Variants in RAD51B observed in about 807,000 individuals in gnomAD.
RAD51B encodes the protein DNA repair protein RAD51 homolog 2.
A neutral mutation model predicts 42.2 loss-of-function variants in RAD51B; 38 were observed. The observed-to-expected ratio is 0.90, with a 90% CI of 0.70 to 1.18. The LOEUF (loss-of-function observed/expected upper bound fraction) is 1.18, where lower values mean the gene tolerates loss of function less well. Among genes scored for constraint, RAD51B ranks in the 50% most tolerant of loss-of-function variants. RAD51B has a pLI of 0.00. For synonymous variants in RAD51B, 154 were observed against 145.2 expected, an observed-to-expected ratio of 1.06 and a Z score of -0.43; for missense variants, 373 against 400.7, an observed-to-expected ratio of 0.93 and a Z score of 0.59.
At chr14:67,838,018 T>G (rs1194291081) in intron 4 of RAD51B, among the ~76,000 whole-genome samples, 1 of 152,200 alleles carries the variant, frequency 6.6e-6, no homozygotes, top group Non-Finnish European at 1.5e-5. Context: ...TTTTTTAGCT[T>G]CTACATGTGA....
chr14:67,920,045 T>C (rs1331954004), intron 7 of RAD51B, among the ~76,000 whole-genome samples: 1 of 152,220 alleles, frequency 6.6e-6, no homozygotes, highest in Non-Finnish European at 1.5e-5. Flanking sequence ...CATCTATATA[T>C]TGATAAGCAT....
intron 7 of RAD51B, among the ~76,000 whole-genome samples, chr14:67,964,913 G>A (rs1303998843): frequency 6.6e-6 from 1 of 152,094 alleles, no homozygotes; most frequent in Admixed American, 6.5e-5. Context: ...AAACCACCTT[G>A]TCTCATATTT....
intron 7 of RAD51B, among the ~76,000 whole-genome samples, chr14:67,924,780 C>T (rs976145753): frequency 1.3e-5 from 2 of 152,114 alleles, no homozygotes; most frequent in African/African-American, 4.8e-5. Flanking sequence ...CTGGAGCCTC[C>T]CAAATCTCAT....
intron 10 of RAD51B, among the ~76,000 whole-genome samples, chr14:68,474,842 T>A (rs1358208951): frequency 6.6e-6 from 1 of 152,236 alleles, no homozygotes; most frequent in Non-Finnish European, 1.5e-5. Flanking sequence ...TTTGGCCAGG[T>A]GTAACTATAA....
intron 9 of RAD51B, among the ~76,000 whole-genome samples, chr14:68,454,084 G>C (rs1022727724): frequency 6.6e-6 from 1 of 152,192 alleles, no homozygotes; most frequent in Non-Finnish European, 1.5e-5. Flanking sequence ...TTCAATTAAA[G>C]AGCTAGAAGA....
chr14:68,172,484 G>A (rs1276807000), intron 7 of RAD51B, among the ~76,000 whole-genome samples: 2 of 152,194 alleles, frequency 1.3e-5, no homozygotes, highest in Non-Finnish European at 2.9e-5. Flanking sequence ...CCGTTTGCAA[G>A]TAGCTAAGAA....
chr14:67,836,690 C>T (rs903049322), intron 4 of RAD51B, among the ~76,000 whole-genome samples: 8 of 152,122 alleles, frequency 5.3e-5, no homozygotes, highest in African/African-American at 1.9e-4. Flanking sequence ...GTCTCAAACT[C>T]CTGGCCTCAG....
In RAD51B at chr14:68,260,298, C is replaced by CGTGTGTGTGTGT. The variant is rs71281749; in HGVS notation, c.757-31576_757-31565dup. Reference sequence around the variant, plus strand: ...AAGAGGGCCAGTGTGGCTGAGAGACCGTGTGTGTGTGTGTGTGTGTGGAGA... The same window carrying CGTGTGTGTGTGT: ...AAGAGGGCCAGTGTGGCTGAGAGACCGTGTGTGTGTGTGTGTGTGTGTGTGTGTGTGTGGAGA... On this transcript the variant is annotated intron_variant, in intron 7 of 10. Transcript: ENST00000471583. Among the ~76,000 whole-genome samples the CGTGTGTGTGTGT allele has an allele frequency of 9.7e-3, 936 of 96,650 alleles. 126 individuals are homozygous for CGTGTGTGTGTGT. Among genetic ancestry groups the CGTGTGTGTGTGT allele is most frequent in the African/African-American group, 0.049 (861 of 17,730 alleles). 63.4% of individuals were successfully genotyped at this position (96,650 alleles called of 152,430 possible). A position where few individuals can be genotyped will look rare whatever the true frequency, so the allele number is the denominator to read the frequency against.
intron 10 of RAD51B, among the ~76,000 whole-genome samples, chr14:68,492,416 A>G (rs962798596): frequency 2.6e-5 from 4 of 152,242 alleles, no homozygotes; most frequent in African/African-American, 7.2e-5. Flanking sequence ...AGTGTCAGGT[A>G]TATTAATGAC....
chr14:68,225,744 C>T (rs145152433), intron 7 of RAD51B, among the ~76,000 whole-genome samples: 6 of 152,266 alleles, frequency 3.9e-5, no homozygotes, highest in African/African-American at 9.6e-5. Context: ...GCAATTTAAT[C>T]GCAATCTTTA....
intron 7 of RAD51B, among the ~76,000 whole-genome samples, chr14:68,267,228 G>A (rs2081010489): frequency 6.6e-6 from 1 of 152,174 alleles, no homozygotes; most frequent in Non-Finnish European, 1.5e-5. Flanking sequence ...GAGCTCTGAA[G>A]GTGAACAATC....
At chr14:67,837,648 C>CAA (rs2041289939) in intron 4 of RAD51B, among the ~76,000 whole-genome samples, 1 of 151,226 alleles carries the variant, frequency 6.6e-6, no homozygotes, top group African/African-American at 2.4e-5. Context: ...GTTTTTTTTG[C>CAA]TTTTATTACA....
At chr14:68,316,485 A>G (rs541886160) in intron 8 of RAD51B, among the ~76,000 whole-genome samples, 5 of 152,338 alleles carry the variant, frequency 3.3e-5, no homozygotes, top group African/African-American at 1.2e-4. Context: ...TTTAGCCAAC[A>G]TGCAACATTA....
intron 9 of RAD51B, among the ~76,000 whole-genome samples, chr14:68,437,953 C>T (rs932548580): frequency 6.6e-6 from 1 of 152,078 alleles, no homozygotes; most frequent in Non-Finnish European, 1.5e-5. Flanking sequence ...AACAAAGGCT[C>T]TGAGGTGGGA....
intron 8 of RAD51B, among the ~76,000 whole-genome samples, chr14:68,348,856 G>A (rs1477769141): frequency 6.6e-6 from 1 of 152,198 alleles, no homozygotes. Flanking sequence ...CCAAGATCCT[G>A]CCACTGCACT....
intron 7 of RAD51B, among the ~76,000 whole-genome samples, chr14:68,117,169 A>G (rs1367790741): frequency 6.6e-6 from 1 of 152,190 alleles, no homozygotes; most frequent in Non-Finnish European, 1.5e-5. Context: ...CTTTTGTTAT[A>G]GACTTGATCA....
chr14:68,310,427 GT>G (rs759851469), intron 8 of RAD51B, among the ~76,000 whole-genome samples: 7 of 152,150 alleles, frequency 4.6e-5, no homozygotes, highest in Non-Finnish European at 8.8e-5. Context: ...CATGAAGCCT[GT>G]AAACCACACG....
chr14:68,085,481 G>GAAGGC (rs906235346), intron 7 of RAD51B, among the ~76,000 whole-genome samples: 2 of 152,156 alleles, frequency 1.3e-5, no homozygotes, highest in African/African-American at 4.8e-5. Flanking sequence ...AGTTAAGGAA[G>GAAGGC]CCAAAGGAAG....
intron 3 of RAD51B, among the ~76,000 whole-genome samples, chr14:67,832,680 T>G (rs969401979): frequency 7.2e-5 from 11 of 152,210 alleles, no homozygotes; most frequent in African/African-American, 2.7e-4. Context: ...AGATGTTCAT[T>G]AGCTTCCTGT....
Sources: gnomAD v4.1 joint callset for allele counts (sites outside exome capture counted in the v4.1 genomes callset) on GRCh38, gnomAD v4.1.1 for gene constraint, MANE v1.5 for transcripts, NCBI Gene and HGNC (gene_info 2026-07-23, HGNC 2026-07-21) for gene names.